The following MORN1 variants were observed in gnomAD, a reference collection of about 807,000 sequenced individuals.
MORN1 encodes the protein MORN repeat-containing protein 1.
MORN1 carries 67 observed loss-of-function variants against 61.9 expected under a neutral mutation model. The observed-to-expected ratio is 1.08, with a 90% CI of 0.89 to 1.33. The LOEUF (loss-of-function observed/expected upper bound fraction) is 1.33, where lower values mean the gene tolerates loss of function less well. Ranked by LOEUF, MORN1 falls within the 40% of genes most tolerant of loss-of-function variation. MORN1 has a pLI of 0.00. For synonymous variants in MORN1, 301 were observed against 292.0 expected, an observed-to-expected ratio of 1.03 and a Z score of -0.31; for missense variants, 752 against 691.2, an observed-to-expected ratio of 1.09 and a Z score of -0.99.
chr1:2,325,110 T>TTCCCTTCCTTCCCTTCCTTCCTTCCC (rs1640978665), intron 12 of MORN1, among the ~76,000 whole-genome samples: 8 of 45,930 alleles, frequency 1.7e-4, no homozygotes, highest in African/African-American at 9.9e-4. Flanking sequence ...TCCCCTTTCC[T>TTCCCTTCCTTCCCTTCCTTCCTTCCC]TCCCTTCCTT....
intron 2 of MORN1, chr1:2,388,610 T>C (rs1170971141): frequency 1.1e-5 from 4 of 376,444 alleles, no homozygotes; most frequent in African/African-American, 8.5e-5. Flanking sequence ...AGACCCCGTC[T>C]CTACACAAAA....
In MORN1 at chr1:2,357,798, C is replaced by G. The variant is rs549028733; in HGVS notation, c.870-200G>C. Among the ~76,000 whole-genome samples, 49 of 152,328 alleles carry G rather than the reference C, an allele frequency of 3.2e-4. No homozygotes were observed. The South Asian group carries it at 9.3e-3, about 29-fold the overall frequency. On this transcript the variant is annotated intron_variant, in intron 9 of 13. Coordinates refer to ENST00000378531, the MANE Select transcript of MORN1 (RefSeq NM_024848.3). The surrounding 1 kb of genome is among the most constrained non-coding windows in gnomAD (Gnocchi z 6.3). ...GAAAAAAGACTCGCCAGGGAGAAGA[C>G]AGCAGGTCTTGGCTTGAAGGAAGAG...
In MORN1 at chr1:2,327,341, G is replaced by GAGACACAGAAACACACA. The variant is rs1417261302; in HGVS notation, c.1251-3199_1251-3198insTGTGTGTTTCTGTGTCT. On this transcript the variant is annotated intron_variant, in intron 12 of 13. Transcript: ENST00000378531. ...ACACAGAAACACACAGAAACACACAGACAGAAACAAACACAGAAACACAGA... is the reference window on the plus strand; with the variant it reads ...ACACAGAAACACACAGAAACACACAGAGACACAGAAACACACAACAGAAACAAACACAGAAACACAGA... Among the ~76,000 whole-genome samples, 6 of 104,258 alleles carry GAGACACAGAAACACACA rather than the reference G, an allele frequency of 5.8e-5. No individual in the cohort carries two copies. In the South Asian group the frequency reaches 2.0e-3, roughly 35 times the overall value. 68.4% of individuals were successfully genotyped at this position (104,258 alleles called of 152,430 possible). A position where few individuals can be genotyped will look rare whatever the true frequency, so the allele number is the denominator to read the frequency against.
At chr1:2,335,249 C>T (rs769295718) in intron 12 of MORN1, among the ~76,000 whole-genome samples, 20 of 152,240 alleles carry the variant, frequency 1.3e-4, no homozygotes, top group African/African-American at 4.6e-4. Context: ...CCCACCTTGC[C>T]GGACCTCTTC....
At chr1:2,326,188 G>A (rs1026923114) in intron 12 of MORN1, 8 of 152,204 alleles carry the variant, frequency 5.3e-5, no homozygotes, top group Admixed American at 1.3e-4. Context: ...GGCAGCAACT[G>A]GGTGAAAAAG....
chr1:2,342,892 T>TTTTATTTTATTTTATTTTATTTTATTTTA (rs1641433456), intron 10 of MORN1, among the ~76,000 whole-genome samples: 1 of 139,638 alleles, frequency 7.2e-6, no homozygotes, highest in Admixed American at 7.1e-5. Context: ...TTTTATTTTA[T>TTTTATTTTATTTTATTTTATTTTATTTTA]TTTATTTTAT....
chr1:2,348,725 GCA>G (rs778268074), intron 10 of MORN1, among the ~76,000 whole-genome samples: 1 of 133,418 alleles, frequency 7.5e-6, no homozygotes, highest in African/African-American at 2.9e-5. Flanking sequence ...GCGCGGGCAC[GCA>G]CACGCACACC....
intron 8 of MORN1, among the ~76,000 whole-genome samples, chr1:2,360,433 A>C (rs925749611): frequency 5.3e-5 from 8 of 152,066 alleles, no homozygotes; most frequent in African/African-American, 1.7e-4. Context: ...AAGGAAACAA[A>C]CGGCGTGGAC....
At chr1:2,321,611 G>A (rs1232984575) in intron 13 of MORN1, 32 bp from the exon 14 acceptor site, 1 of 1,453,836 alleles carries the variant, frequency 6.9e-7, no homozygotes, top group Non-Finnish European at 9.1e-7. Flanking sequence ...GTCCTCAGCA[G>A]GCTCCTGTCC....
At chr1:2,341,543 T>C (rs1168692119) in intron 10 of MORN1, among the ~76,000 whole-genome samples, 5 of 151,856 alleles carry the variant, frequency 3.3e-5, no homozygotes, top group South Asian at 2.1e-4. Flanking sequence ...ATACAAAAAT[T>C]AGCCAGGTGT....
intron 12 of MORN1, chr1:2,332,383 C>T (rs1641176556): frequency 5.8e-6 from 2 of 347,514 alleles, no homozygotes; most frequent in Admixed American, 7.7e-5. Context: ...CTCACGGACT[C>T]CAGCATCGGA....
intron 2 of MORN1, among the ~76,000 whole-genome samples, chr1:2,389,477 A>T (rs1642590168): frequency 6.6e-6 from 1 of 152,220 alleles, no homozygotes; most frequent in Non-Finnish European, 1.5e-5. Flanking sequence ...CATGCTGGTC[A>T]GGCTGTTCTG....
chr1:2,349,183 C>T (rs7512120), intron 10 of MORN1, among the ~76,000 whole-genome samples: 2,317 of 152,086 alleles, frequency 0.015, 63 homozygotes, highest in African/African-American at 0.053. Context: ...TTGTTCCAGG[C>T]GGGAAGGGGA....
At chr1:2,323,964 C>G in intron 13 of MORN1, 133 bp downstream of exon 13, 4 of 1,443,970 alleles carry the variant, frequency 2.8e-6, no homozygotes, top group Non-Finnish European at 3.6e-6. Context: ...GCTCCCCAGT[C>G]CCCCACCCAC....
intron 3 of MORN1, chr1:2,388,003 G>GT (rs1642546199): frequency 2.0e-6 from 1 of 512,368 alleles, no homozygotes. Flanking sequence ...AAGAAATAGT[G>GT]TAACTTGGGA....
At chr1:2,322,027 T>A (rs1640892785) in intron 13 of MORN1, 1 of 985,144 alleles carries the variant, frequency 1.0e-6, no homozygotes, top group Admixed American at 6.1e-5. Context: ...TAACGAACCC[T>A]CTGAAGGCTG....
chr1:2,372,468 T>G lies in MORN1; in HGVS notation c.745+13A>C. Reference sequence around the variant, plus strand: ...TTGGAAACGTTAGGTCATCTCCCCCTGGAGATGCTTACTCTTGGCAATTTC... The same window carrying G: ...TTGGAAACGTTAGGTCATCTCCCCCGGGAGATGCTTACTCTTGGCAATTTC... On this transcript the variant is annotated intron_variant, in intron 8 of 13. Transcript: ENST00000378531. The surrounding 1 kb of genome is among the most constrained non-coding windows in gnomAD (Gnocchi z 5.4). The G allele has an allele frequency of 6.3e-7, 1 of 1,585,942 alleles. No homozygotes were observed. Among genetic ancestry groups the G allele is most frequent in the Non-Finnish European group, 8.6e-7 (1 of 1,156,750 alleles).
At chr1:2,350,816 G>C (rs1488283756) in intron 10 of MORN1, 2 of 152,314 alleles carry the variant, frequency 1.3e-5, no homozygotes, top group African/African-American at 4.8e-5. Flanking sequence ...GCCCCCGGCT[G>C]TCGCCCTGAG....
At chr1:2,323,981 C>G in intron 13 of MORN1, 116 bp downstream of exon 13, 1 of 1,460,844 alleles carries the variant, frequency 6.8e-7, no homozygotes, top group Non-Finnish European at 9.0e-7. Flanking sequence ...CCACTGCCAC[C>G]TACCTCTGGG....
Sources: allele counts gnomAD v4.1 joint callset (sites outside exome capture counted in the v4.1 genomes callset), GRCh38; gene constraint gnomAD v4.1.1; non-coding constraint Gnocchi (gnomAD v3.1); transcripts MANE v1.5; gene names NCBI Gene and HGNC (gene_info 2026-07-23, HGNC 2026-07-21).